TMEM108: variants seen among roughly 807,000 people sequenced by gnomAD.
TMEM108 encodes the protein transmembrane protein 108.
TMEM108 carries 12 observed loss-of-function variants against 35.1 expected under a neutral mutation model. The observed-to-expected ratio is 0.34, with a 90% confidence interval of 0.22 to 0.55. TMEM108 has a LOEUF of 0.55. Ranked by LOEUF, TMEM108 falls within the 20% of genes least tolerant of loss-of-function variation. The pLI is 0.89. For missense variants in TMEM108, 680 were observed against 753.3 expected, an observed-to-expected ratio of 0.90 and a Z score of 1.14; for synonymous variants, 287 against 308.6, an observed-to-expected ratio of 0.93 and a Z score of 0.73.
chr3:133,241,900 C>A (rs1022746915), intron 3 of TMEM108, among the ~76,000 whole-genome samples: 1 of 152,084 alleles, frequency 6.6e-6, no homozygotes, highest in Non-Finnish European at 1.5e-5. Flanking sequence ...AGGCATGAGC[C>A]ACCACCCCCG....
chr3:133,379,893 C>G lies in TMEM108; in HGVS notation c.182C>G (p.Thr61Ser). 6.2e-7 allele frequency: 1 copy of G among 1,614,034 alleles called. No homozygotes were observed. The highest frequency in any genetic ancestry group is 1.3e-5 in the African/African-American group (1 of 75,006). Residue 61 changes from threonine (T) to serine (S), a missense_variant, in exon 4 of 6, where the codon ACT (threonine) becomes AGT (serine). Physicochemically the swap from Thr to Ser is moderately conservative, Grantham distance 58. Transcript: ENST00000321871. ...GCACCCCACAGCTCTACCAGACATA[C>G]TTCTGTGGTGATGCTGACCCCCAAT... ...VTAPHSSTRH[T>S]SVVMLTPNPD...
At chr3:133,185,784 C>CTTTTTTTTTTT (rs11309146) in intron 2 of TMEM108, among the ~76,000 whole-genome samples, 22 of 127,094 alleles carry the variant, frequency 1.7e-4, no homozygotes, top group African/African-American at 4.8e-4. Context: ...CTTTTCTTTT[C>CTTTTTTTTTTT]TTTTTTTTTT....
chr3:133,170,097 A>T (rs893666453), intron 2 of TMEM108, among the ~76,000 whole-genome samples: 1 of 152,158 alleles, frequency 6.6e-6, no homozygotes, highest in East Asian at 1.9e-4. Flanking sequence ...TTAAAACTTC[A>T]TGGTAAGAGA....
intron 2 of TMEM108, among the ~76,000 whole-genome samples, chr3:133,155,828 G>A (rs1576349602): frequency 6.6e-6 from 1 of 152,086 alleles, no homozygotes; most frequent in African/African-American, 2.4e-5. Flanking sequence ...TTCTTTTGCT[G>A]TGCAAAAGCT....
chr3:133,389,438 CT>C (rs2073200135), intron 4 of TMEM108: 2 of 975,850 alleles, frequency 2.0e-6, no homozygotes, highest in Admixed American at 6.1e-5. Flanking sequence ...AATCCCAGCA[CT>C]TTAGGAGGCT....
At chr3:133,183,433 G>A (rs1945376642) in intron 2 of TMEM108, among the ~76,000 whole-genome samples, 1 of 152,126 alleles carries the variant, frequency 6.6e-6, no homozygotes. Context: ...TAGATATAGA[G>A]AAGATAAGCC....
intron 3 of TMEM108, among the ~76,000 whole-genome samples, chr3:133,313,857 C>CAGTAATTGCAACACAGTAATCTCT (rs1559901672): frequency 6.6e-6 from 1 of 152,000 alleles, no homozygotes. Flanking sequence ...TAATTGCTAA[C>CAGTAATTGCAACACAGTAATCTCT]CCCTGTGAAG....
chr3:133,205,508 A>T (rs532428760), intron 2 of TMEM108, among the ~76,000 whole-genome samples: 1 of 152,130 alleles, frequency 6.6e-6, no homozygotes, highest in African/African-American at 2.4e-5. Context: ...GGTGGTGACA[A>T]AATCTCTCAG....
chr3:133,117,882 G>A (rs758093124), intron 2 of TMEM108, among the ~76,000 whole-genome samples: 1 of 152,152 alleles, frequency 6.6e-6, no homozygotes, highest in Non-Finnish European at 1.5e-5. Context: ...GGAGTAATCA[G>A]CACCTGGGTA....
chr3:133,258,484 G>T (rs1946579158), intron 3 of TMEM108, among the ~76,000 whole-genome samples: 1 of 152,180 alleles, frequency 6.6e-6, no homozygotes, highest in African/African-American at 2.4e-5. Context: ...TTGGATGGAG[G>T]GGGGTGATGG....
intron 3 of TMEM108, among the ~76,000 whole-genome samples, chr3:133,313,136 G>A (rs974064262): frequency 1.3e-5 from 2 of 151,748 alleles, no homozygotes; most frequent in Middle Eastern, 3.5e-3. Flanking sequence ...GCCATTTATA[G>A]CATTAACAGT....
intron 3 of TMEM108, among the ~76,000 whole-genome samples, chr3:133,243,724 T>C (rs1354374862): frequency 3.3e-5 from 5 of 152,154 alleles, no homozygotes; most frequent in East Asian, 1.9e-4. Flanking sequence ...GGGGTTTCAC[T>C]GTGTTAGCCA....
At chr3:133,220,129 T>TA (rs1945968491) in intron 2 of TMEM108, among the ~76,000 whole-genome samples, 1 of 151,770 alleles carries the variant, frequency 6.6e-6, no homozygotes, top group Non-Finnish European at 1.5e-5. Context: ...TTTTATCCGA[T>TA]AAAAGTATAG....
At chr3:133,277,189 C>T (rs1005653484) in intron 3 of TMEM108, among the ~76,000 whole-genome samples, 3 of 151,766 alleles carry the variant, frequency 2.0e-5, no homozygotes, top group African/African-American at 7.3e-5. Flanking sequence ...GAATATAGGT[C>T]ATTTATTAGA....
At chr3:133,157,128 A>G (rs1944893203) in intron 2 of TMEM108, among the ~76,000 whole-genome samples, 1 of 152,212 alleles carries the variant, frequency 6.6e-6, no homozygotes, top group Admixed American at 6.5e-5. Context: ...TAGATATGTT[A>G]TACATGTATG....
At chr3:133,226,083 T>C (rs552157049) in intron 2 of TMEM108, among the ~76,000 whole-genome samples, 2 of 152,312 alleles carry the variant, frequency 1.3e-5, no homozygotes, top group East Asian at 3.9e-4. Context: ...AGGTCATAGG[T>C]GTATTCAAAG....
At chr3:133,319,391 T>TTG (rs2071237906) in intron 3 of TMEM108, among the ~76,000 whole-genome samples, 1 of 152,216 alleles carries the variant, frequency 6.6e-6, no homozygotes, top group Admixed American at 6.5e-5. Flanking sequence ...GGTGCTTTCT[T>TTG]GAAAGCACGA....
chr3:133,279,938 A>T (rs1946889711), intron 3 of TMEM108, among the ~76,000 whole-genome samples: 2 of 152,240 alleles, frequency 1.3e-5, no homozygotes, highest in African/African-American at 4.8e-5. Flanking sequence ...ATATAATATT[A>T]TGCCAACTAG....
At chr3:133,217,162 A>G (rs1301210199) in intron 2 of TMEM108, among the ~76,000 whole-genome samples, 1 of 152,002 alleles carries the variant, frequency 6.6e-6, no homozygotes, top group Non-Finnish European at 1.5e-5. Flanking sequence ...TTTGATTTGT[A>G]TCTCTCTGTT....
Sources: gnomAD v4.1 joint callset for allele counts (sites outside exome capture counted in the v4.1 genomes callset) on GRCh38, gnomAD v4.1.1 for gene constraint, MANE v1.5 for transcripts, NCBI Gene and HGNC (gene_info 2026-07-23, HGNC 2026-07-21) for gene names.